SEC14L1: variants seen among roughly 807,000 people sequenced by gnomAD.
SEC14L1 encodes the protein SEC14 like lipid binding 1.
A neutral mutation model predicts 85.3 loss-of-function variants in SEC14L1; 48 were observed. That is an observed-to-expected ratio of 0.56 (90% CI 0.45 to 0.72). The LOEUF (loss-of-function observed/expected upper bound fraction) is 0.72, where lower values mean the gene tolerates loss of function less well. Ranked by LOEUF, SEC14L1 falls within the 30% of genes least tolerant of loss-of-function variation. The probability of loss-of-function intolerance (pLI) is 0.00; values close to 1 mark genes in which losing one functional copy is unlikely to be tolerated. For synonymous variants in SEC14L1, 391 were observed against 355.5 expected (o/e 1.10, Z -1.12); for missense variants, 682 against 921.4 (o/e 0.74, Z 3.36).
intron 3 of SEC14L1, among the ~76,000 whole-genome samples, chr17:77,123,472 C>T (rs543459936): frequency 1.1e-4 from 15 of 130,954 alleles, no homozygotes; most frequent in Admixed American, 2.7e-4. Flanking sequence ...AGTGCGGTGG[C>T]GAGATCTTGG....
chr17:77,107,079 C>T (rs935464502), intron 3 of SEC14L1, among the ~76,000 whole-genome samples: 2 of 152,220 alleles, frequency 1.3e-5, no homozygotes, highest in African/African-American at 4.8e-5. Context: ...AGAGAAGCAG[C>T]TGATCAATGA....
rs148662106 is a variant in SEC14L1, at chr17:77,212,797, G to T, written c.1864-517G>T. On this transcript the variant is annotated intron_variant, in intron 15 of 16. Transcript: ENST00000436233. ...CAGTGGTCTTAGAGGCAGAGTAAAA[G>T]AATCCTTTGTCCATTTTAAAAACAA... The T allele has an allele frequency of 2.6e-3, 432 of 165,030 alleles. 2 individuals carry two copies. Among genetic ancestry groups the T allele is most frequent in the African/African-American group, 0.01 (422 of 41,706 alleles). The allele number at this position is 165,030 out of a possible 1,614,324, so 10.2% of individuals were successfully genotyped here.
chr17:77,120,561 C>T (rs1441478524), intron 3 of SEC14L1, among the ~76,000 whole-genome samples: 3 of 152,142 alleles, frequency 2.0e-5, no homozygotes, highest in African/African-American at 4.8e-5. Context: ...ACTGTAACCT[C>T]TGCCTCCCAG....
chr17:77,164,616 T>TC (rs1193765220), intron 3 of SEC14L1, among the ~76,000 whole-genome samples: 1 of 152,152 alleles, frequency 6.6e-6, no homozygotes, highest in East Asian at 1.9e-4. Flanking sequence ...GCCATATGCC[T>TC]CCCCGGTTTG....
At chr17:77,195,949 G>T (rs1037377481) in intron 7 of SEC14L1, among the ~76,000 whole-genome samples, 13 of 152,056 alleles carry the variant, frequency 8.5e-5, no homozygotes, top group Admixed American at 3.3e-4. Flanking sequence ...TTGTGATTTG[G>T]CAATAGAGGT....
Position 77,215,062 on chromosome 17 carries a change from C to CGTGT in SEC14L1, c.*1049_*1052dup. 1.0e-6 allele frequency: 1 copy of CGTGT among 983,264 alleles called. No homozygotes were observed. The highest frequency in any genetic ancestry group is 1.2e-6 in the Non-Finnish European group (1 of 828,658). 60.9% of individuals were successfully genotyped at this position (983,264 alleles called of 1,614,324 possible). On this transcript the variant is annotated 3_prime_UTR_variant, in exon 17 of 17. Transcript: ENST00000436233. Reference sequence around the variant, plus strand: ...TGTACATGGGAATTGTGGACTCATGCGTGTGTGTGTGTGCATGTGCTGTGT... The same window carrying CGTGT: ...TGTACATGGGAATTGTGGACTCATGCGTGTGTGTGTGTGTGTGCATGTGCTGTGT...
In SEC14L1 at chr17:77,173,674, G is replaced by C. The variant is rs369944116; in HGVS notation, c.64-17129G>C. Among the ~76,000 whole-genome samples, 209 of 152,338 alleles carry C rather than the reference G, an allele frequency of 1.4e-3. 5 individuals are homozygous for C. In the South Asian group the frequency reaches 0.041, roughly 30 times the overall value. ...ACTGTAGCCAGAAAACTGATGGTTT[G>C]AGGATAGTTTCCTTAGTCCAAATAA... On this transcript the variant is annotated intron_variant, in intron 3 of 16. Coordinates refer to ENST00000436233, the MANE Select transcript of SEC14L1 (RefSeq NM_001143998.2).
At chr17:77,097,079 G>A (rs765966877) in intron 3 of SEC14L1, among the ~76,000 whole-genome samples, 5 of 152,198 alleles carry the variant, frequency 3.3e-5, no homozygotes, top group Non-Finnish European at 5.9e-5. Context: ...TACTCCCAGT[G>A]CCAGCTGGTG....
intron 3 of SEC14L1, among the ~76,000 whole-genome samples, chr17:77,119,264 C>T (rs149132691): frequency 0.01 from 1,508 of 149,902 alleles, 31 homozygotes; most frequent in African/African-American, 0.035. Context: ...GCCGAGATTG[C>T]GCCACTGCAC....
intron 14 of SEC14L1, chr17:77,210,776 C>T (rs969822084): frequency 3.3e-5 from 5 of 152,190 alleles, no homozygotes; most frequent in Non-Finnish European, 7.3e-5. Flanking sequence ...TAGGCACTAT[C>T]GCTCTTGTCC....
intron 13 of SEC14L1, among the ~76,000 whole-genome samples, chr17:77,207,110 G>C (rs529980179): frequency 2.0e-5 from 3 of 152,318 alleles, no homozygotes; most frequent in Admixed American, 1.3e-4. Context: ...TACGATTGCA[G>C]CTTGCTTTGA....
chr17:77,131,189 C>T (rs541421078), intron 3 of SEC14L1, among the ~76,000 whole-genome samples: 7 of 152,296 alleles, frequency 4.6e-5, no homozygotes, highest in East Asian at 3.9e-4. Context: ...GTTGTGGAAC[C>T]GAATAGGCTG....
intron 3 of SEC14L1, among the ~76,000 whole-genome samples, chr17:77,187,469 C>T (rs1975321799): frequency 6.6e-6 from 1 of 152,040 alleles, no homozygotes; most frequent in Non-Finnish European, 1.5e-5. Flanking sequence ...CCTCTGCCTC[C>T]CAGGTTCTAG....
intron 3 of SEC14L1, among the ~76,000 whole-genome samples, chr17:77,154,960 T>C (rs1723939112): frequency 6.6e-6 from 1 of 152,206 alleles, no homozygotes; most frequent in Non-Finnish European, 1.5e-5. Context: ...GGATTGTTTG[T>C]TCCTTTTCCT....
Position 77,213,599 on chromosome 17 carries a change from G to A in SEC14L1, c.2042+107G>A, listed in dbSNP as rs757789617. On this transcript the variant is annotated intron_variant, in intron 16 of 16. Coordinates refer to ENST00000436233, the MANE Select transcript of SEC14L1 (RefSeq NM_001143998.2). This position sits in a 1 kb window ranked among gnomAD's most constrained non-coding sequence, Gnocchi z 7.1. Reference sequence around the variant, plus strand: ...GATCAGCAGTGGCGGCGGGTGTCAGGAATGCTTGGAGGGCCAGGAGGGAGT... The same window carrying A: ...GATCAGCAGTGGCGGCGGGTGTCAGAAATGCTTGGAGGGCCAGGAGGGAGT... 2.2e-6 allele frequency: 3 copies of A among 1,373,030 alleles called. No homozygotes were observed. Among genetic ancestry groups the A allele is most frequent in the South Asian group, 2.4e-5 (2 of 82,870 alleles). 85.1% of individuals were successfully genotyped at this position (1,373,030 alleles called of 1,614,324 possible).
At chr17:77,109,023 T>G (rs981944620) in intron 3 of SEC14L1, among the ~76,000 whole-genome samples, 5 of 152,132 alleles carry the variant, frequency 3.3e-5, no homozygotes, top group African/African-American at 9.7e-5. Flanking sequence ...GGTTTCACCA[T>G]GTTGGTCAGG....
In SEC14L1 at chr17:77,214,056, G is replaced by A; in HGVS notation, c.*33G>A. ...CTGCCTGCACCTAGTGTGCAGAGGG[G>A]ACGGCCGCCCCTCCTCGGACAGCCA... On this transcript the variant is annotated 3_prime_UTR_variant, in exon 17 of 17. Transcript: ENST00000436233. 6.3e-7 allele frequency: 1 copy of A among 1,596,176 alleles called. No homozygotes were observed.
intron 3 of SEC14L1, among the ~76,000 whole-genome samples, chr17:77,133,825 G>A (rs1972692549): frequency 6.6e-6 from 1 of 151,208 alleles, no homozygotes; most frequent in East Asian, 2.0e-4. Flanking sequence ...TGTAGTCCCA[G>A]CTACTCGGGA....
intron 9 of SEC14L1, among the ~76,000 whole-genome samples, chr17:77,200,895 C>G (rs1269343758): frequency 6.6e-6 from 1 of 152,196 alleles, no homozygotes; most frequent in Non-Finnish European, 1.5e-5. Context: ...CCTGGGACTG[C>G]TCTTTCCTCA....
Sources: gnomAD v4.1 joint callset for allele counts (sites outside exome capture counted in the v4.1 genomes callset) on GRCh38, gnomAD v4.1.1 for gene constraint, Gnocchi (gnomAD v3.1) non-coding constraint, MANE v1.5 for transcripts, NCBI Gene and HGNC (gene_info 2026-07-23, HGNC 2026-07-21) for gene names.